Variants in IGSF11 observed in about 807,000 individuals in gnomAD.
IGSF11 encodes immunoglobulin superfamily member 11.
IGSF11 carries 22 observed loss-of-function variants against 41.0 expected under a neutral mutation model. That is an observed-to-expected ratio of 0.54 (90% CI 0.38 to 0.77). The LOEUF is 0.77. Among genes scored for constraint, IGSF11 ranks in the 30% least tolerant of loss-of-function variants. IGSF11 has a pLI of 0.00. For missense variants in IGSF11, 444 were observed against 530.8 expected, an observed-to-expected ratio of 0.84 and a Z score of 1.61; for synonymous variants, 219 against 201.3, an observed-to-expected ratio of 1.09 and a Z score of -0.74.
chr3:118,900,697 CT>C lies in IGSF11; in HGVS notation c.*1822del, dbSNP rs893925858. Reference sequence around the variant, plus strand: ...AGAATAAAGAAATGCAAGATAAATGCTTTCTAAACAGCATCTGATAGCATCA... The same window carrying C: ...AGAATAAAGAAATGCAAGATAAATGCTTCTAAACAGCATCTGATAGCATCA... On this transcript the variant is annotated 3_prime_UTR_variant, in exon 7 of 7. Coordinates refer to ENST00000393775, the MANE Select transcript of IGSF11 (RefSeq NM_001015887.3). 3 of 152,484 alleles carry C rather than the reference CT, an allele frequency of 2.0e-5. No individual in the cohort carries two copies. The highest frequency in any genetic ancestry group is 4.4e-5 in the Non-Finnish European group (3 of 67,994). 9.4% of individuals were successfully genotyped at this position (152,484 alleles called of 1,614,324 possible).
intron 1 of IGSF11, among the ~76,000 whole-genome samples, chr3:119,131,495 T>G (rs1400145436): frequency 6.6e-6 from 1 of 151,878 alleles, no homozygotes; most frequent in Non-Finnish European, 1.5e-5. Flanking sequence ...AAGACAAGAT[T>G]AGAGAAAACA....
intron 1 of IGSF11, among the ~76,000 whole-genome samples, chr3:119,044,296 A>C (rs565658833): frequency 6.6e-6 from 1 of 152,268 alleles, no homozygotes. Flanking sequence ...AAATCGAACA[A>C]GTAGAAGAAA....
intron 1 of IGSF11, among the ~76,000 whole-genome samples, chr3:119,016,355 A>G (rs563752343): frequency 3.4e-4 from 52 of 152,358 alleles, no homozygotes; most frequent in African/African-American, 1.1e-3. Flanking sequence ...CAGCATGAAC[A>G]TGAATGACAA....
At chr3:119,019,938 G>A (rs35870) in intron 1 of IGSF11, among the ~76,000 whole-genome samples, 121,112 of 152,028 alleles carry the variant, frequency 0.8, 48,532 homozygotes, top group African/African-American at 0.89. Context: ...TGATTAGGTC[G>A]TGATGGTGGA....
chr3:119,111,022 C>T (rs534156571), intron 1 of IGSF11, among the ~76,000 whole-genome samples: 2 of 151,922 alleles, frequency 1.3e-5, no homozygotes, highest in African/African-American at 4.8e-5. Flanking sequence ...CTGCCCTTAA[C>T]ATTTTTTCCT....
At position 119,022,757 on chromosome 3, in the gene IGSF11, G is replaced by A. The variant is rs181809616; in HGVS notation, c.52+11774C>T. 9.2e-5 allele frequency among the ~76,000 whole-genome samples: 14 copies of A among 152,224 alleles called. No individual in the cohort carries two copies. In the East Asian group the frequency reaches 2.7e-3, roughly 29 times the overall value. On this transcript the variant is annotated intron_variant, in intron 1 of 6. Transcript: ENST00000393775. ...ACAATACCTAGTGTTCACTGACAAGGATGTAAAGGAAATGAAACTCTCATA... is the reference window on the plus strand; with the variant it reads ...ACAATACCTAGTGTTCACTGACAAGAATGTAAAGGAAATGAAACTCTCATA...
intron 1 of IGSF11, among the ~76,000 whole-genome samples, chr3:119,031,257 C>CAAAT (rs1261418138): frequency 5.5e-5 from 7 of 127,572 alleles, no homozygotes; most frequent in Middle Eastern, 7.3e-3. Flanking sequence ...GACTCCATCT[C>CAAAT]AAATAAATAA....
At chr3:119,004,071 C>T (rs921855858) in intron 1 of IGSF11, among the ~76,000 whole-genome samples, 1 of 151,264 alleles carries the variant, frequency 6.6e-6, no homozygotes, top group Non-Finnish European at 1.5e-5. Flanking sequence ...TGGTAGAATT[C>T]GGCTGTGAAT....
chr3:119,049,817 C>G (rs1243671104), intron 1 of IGSF11, among the ~76,000 whole-genome samples: 9 of 149,362 alleles, frequency 6.0e-5, no homozygotes, highest in African/African-American at 2.2e-4. Flanking sequence ...ATCAATGGAA[C>G]AGAACAGAGC....
At position 118,959,437 on chromosome 3, in the gene IGSF11, G is replaced by A. The variant is rs538672274; in HGVS notation, c.53-29162C>T. On this transcript the variant is annotated intron_variant, in intron 1 of 6. Coordinates refer to ENST00000393775, the MANE Select transcript of IGSF11 (RefSeq NM_001015887.3). The stretch of plus-strand genomic sequence containing the variant: ...AAGTGGTACCATACTCTAGACAAAC[G>A]AAACTCCAATAAATGCCTTACAGAG... Among the ~76,000 whole-genome samples, 14 of 152,246 alleles carry A rather than the reference G, an allele frequency of 9.2e-5. 1 individual carries two copies. The South Asian group carries it at 1.9e-3, about 20-fold the overall frequency.
chr3:118,905,560 G>C (rs1219537710), intron 5 of IGSF11, 36 bp downstream of exon 5: 1 of 1,611,294 alleles, frequency 6.2e-7, no homozygotes, highest in Non-Finnish European at 8.5e-7. Flanking sequence ...TAGAGTTTCA[G>C]ACCCATGGTT....
chr3:119,060,323 T>G (rs915467180), intron 1 of IGSF11, among the ~76,000 whole-genome samples: 1 of 152,188 alleles, frequency 6.6e-6, no homozygotes, highest in Non-Finnish European at 1.5e-5. Flanking sequence ...ATCAGAGATC[T>G]TTTTAAACCA....
At chr3:119,020,939 C>G (rs1372309318) in intron 1 of IGSF11, among the ~76,000 whole-genome samples, 2 of 152,244 alleles carry the variant, frequency 1.3e-5, no homozygotes, top group East Asian at 3.9e-4. Context: ...TACTTAAGAC[C>G]AGATATCATA....
At chr3:119,059,872 A>G (rs1053997185) in intron 1 of IGSF11, among the ~76,000 whole-genome samples, 2 of 152,194 alleles carry the variant, frequency 1.3e-5, no homozygotes, top group African/African-American at 4.8e-5. Flanking sequence ...GTCTTGAGCA[A>G]GTGTAACAAA....
chr3:119,080,942 A>C (rs1319947524), intron 1 of IGSF11, among the ~76,000 whole-genome samples: 1 of 152,166 alleles, frequency 6.6e-6, no homozygotes, highest in Non-Finnish European at 1.5e-5. Flanking sequence ...ATTTTACCCA[A>C]AAAGTTTCAG....
intron 1 of IGSF11, among the ~76,000 whole-genome samples, chr3:118,990,720 AACCCCT>A (rs1332145660): frequency 2.0e-5 from 3 of 152,204 alleles, no homozygotes; most frequent in African/African-American, 7.2e-5. Flanking sequence ...CACTGTTTCT[AACCCCT>A]GGGCAACTTG....
At chr3:119,106,840 TG>T (rs2077038067), upstream of IGSF11, among the ~76,000 whole-genome samples, 1 of 152,110 alleles carries the variant, frequency 6.6e-6, no homozygotes, top group Admixed American at 6.6e-5. Flanking sequence ...ATGCAGTGTT[TG>T]GTTTTTTGTC....
At chr3:119,113,179 A>T (rs2077207385) in intron 1 of IGSF11, among the ~76,000 whole-genome samples, 1 of 152,086 alleles carries the variant, frequency 6.6e-6, no homozygotes, top group African/African-American at 2.4e-5. Flanking sequence ...AATACAAAAC[A>T]TATCATTCCA....
chr3:119,047,000 T>A (rs1181566107), intron 1 of IGSF11, among the ~76,000 whole-genome samples: 1 of 142,690 alleles, frequency 7.0e-6, no homozygotes, highest in Non-Finnish European at 1.5e-5. Context: ...AAGGAAGCGC[T>A]AAACATGGAA....
Sources: allele counts gnomAD v4.1 joint callset (sites outside exome capture counted in the v4.1 genomes callset), GRCh38; gene constraint gnomAD v4.1.1; transcripts MANE v1.5; gene names NCBI Gene and HGNC (gene_info 2026-07-23, HGNC 2026-07-21).